Variants in EPHA8 observed in about 807,000 individuals in gnomAD.
The protein encoded by EPHA8 is EPH receptor A8.
Under a neutral mutation model 103.6 loss-of-function variants are expected in EPHA8, and 58 were observed. The ratio of observed to expected loss-of-function variants is 0.56; its 90% confidence interval spans 0.45 to 0.70. The LOEUF (loss-of-function observed/expected upper bound fraction) is 0.70. Ranked by LOEUF, EPHA8 falls within the 30% of genes least tolerant of loss-of-function variation. EPHA8 has a pLI of 0.00. For missense variants in EPHA8, 1,304 were observed against 1,395.2 expected (o/e 0.93, Z 1.04); for synonymous variants, 559 against 572.5 (o/e 0.98, Z 0.34).
At position 22,584,994 on chromosome 1, in the gene EPHA8, G is replaced by A. The variant is rs545217589; in HGVS notation, c.824-1486G>A. Among the ~76,000 whole-genome samples, 153 of 151,938 alleles carry A rather than the reference G, an allele frequency of 1.0e-3. No homozygotes were observed. In the East Asian group the frequency reaches 0.019, roughly 19 times the overall value. ...TTGCAGGTGGTGAGGCCAAGCAGGGGCCGCAGGAGCAGGGCGGGGAATGGT... is the reference window on the plus strand; with the variant it reads ...TTGCAGGTGGTGAGGCCAAGCAGGGACCGCAGGAGCAGGGCGGGGAATGGT... On this transcript the variant is annotated intron_variant, in intron 3 of 16. Transcript: ENST00000166244.
At position 22,597,190 on chromosome 1, in the gene EPHA8, C is replaced by T; in HGVS notation, c.1766-122C>T. On this transcript the variant is annotated intron_variant, in intron 9 of 16. Coordinates refer to ENST00000166244, the MANE Select transcript of EPHA8 (RefSeq NM_020526.5). This position sits in a 1 kb window ranked among gnomAD's most constrained non-coding sequence, Gnocchi z 4.6. ...CTTATGGGGTGCGTGTTGTTTGCTA[C>T]CACATCCAGAGACTCCCAGAGACAC... 1.3e-6 allele frequency: 1 copy of T among 774,776 alleles called. No individual in the cohort carries two copies. The highest frequency in any genetic ancestry group is 2.8e-5 in the East Asian group (1 of 35,660). The allele number at this position is 774,776 out of a possible 1,614,324, so 48.0% of individuals were successfully genotyped here.
Position 22,567,482 on chromosome 1 carries a change from C to A in EPHA8, c.95-1807C>A, listed in dbSNP as rs1225840508. Among the ~76,000 whole-genome samples, 1 of 152,108 alleles carries A rather than the reference C, an allele frequency of 6.6e-6. No individual in the cohort carries two copies. The highest frequency in any genetic ancestry group is 1.5e-5 in the Non-Finnish European group (1 of 68,008). On this transcript the variant is annotated intron_variant, in intron 1 of 16. Transcript: ENST00000166244. The surrounding 1 kb of genome is among the most constrained non-coding windows in gnomAD (Gnocchi z 4.2). ...CCGGCTTGGGGAGGGGGAGGTCCCT[C>A]TGCGGACATTCGCTGTGTCCCCTGA...
rs201818748 is a variant in EPHA8, at chr1:22,589,015, G to T, written c.1124G>T (p.Arg375Leu). The T allele has an allele frequency of 9.3e-6, 15 of 1,612,788 alleles. No homozygotes were observed. The East Asian group carries it at 1.6e-4, about 17-fold the overall frequency. The change falls in exon 5 of 17, where the codon CGC (arginine) becomes CTC (leucine). Residue 375 changes from arginine to leucine, a missense_variant. Arg to Leu is a moderately radical substitution (Grantham distance 102). Coordinates refer to ENST00000166244, the MANE Select transcript of EPHA8 (RefSeq NM_020526.5). The surrounding 1 kb of genome is among the most constrained non-coding windows in gnomAD (Gnocchi z 4.3). Reference sequence around the variant, plus strand: ...CGCCGCTGCCCCTGGGCACTGAGCCGCTGCGAGGCATGTGGGAGCGGCACC... The same window carrying T: ...CGCCGCTGCCCCTGGGCACTGAGCCTCTGCGAGGCATGTGGGAGCGGCACC... Reference protein sequence around the residue: ...VCRRCPWALSRCEACGSGTRF... With the variant: ...VCRRCPWALSLCEACGSGTRF...
In EPHA8 at chr1:22,596,067, G is replaced by T. The variant is rs209691; in HGVS notation, c.1698-39G>T. ...GTTGGGGTCAGGTCCCGGGCTAGGG[G>T]TGGCCTGGCCTCAGGCAGGGCGGTG... On this transcript the variant is annotated intron_variant, in intron 8 of 16. Coordinates refer to ENST00000166244, the MANE Select transcript of EPHA8 (RefSeq NM_020526.5). 6 of 1,605,852 alleles carry T rather than the reference G, an allele frequency of 3.7e-6. No individual in the cohort carries two copies. In the South Asian group the frequency reaches 4.4e-5, roughly 12 times the overall value.
intron 16 of EPHA8, 46 bp from the exon 17 acceptor site, chr1:22,601,581 C>T: frequency 1.3e-6 from 2 of 1,581,846 alleles, no homozygotes; most frequent in Non-Finnish European, 1.7e-6. Flanking sequence ...GTGCGCGGCT[C>T]CCAGCCTCCC....
chr1:22,574,994 A>G (rs1197599659), intron 2 of EPHA8, among the ~76,000 whole-genome samples: 2 of 152,138 alleles, frequency 1.3e-5, no homozygotes, highest in African/African-American at 4.8e-5. Flanking sequence ...TCTGTTGCTC[A>G]GGCTGGAGAA....
In EPHA8 at chr1:22,589,978, C is replaced by G. The variant is rs1255766492; in HGVS notation, c.1315+772C>G. ...AGGCCTGGAGAGCACCCAGGGCCAC[C>G]TGACATAGGAAGTGGCAGAGGCAGG... On this transcript the variant is annotated intron_variant, in intron 5 of 16. Transcript: ENST00000166244. The surrounding 1 kb of genome is among the most constrained non-coding windows in gnomAD (Gnocchi z 4.3). 6.6e-6 allele frequency among the ~76,000 whole-genome samples: 1 copy of G among 152,134 alleles called. No individual in the cohort carries two copies. Among genetic ancestry groups the G allele is most frequent in the Non-Finnish European group, 1.5e-5 (1 of 68,018 alleles).
At chr1:22,580,700 G>A (rs1641021669) in intron 3 of EPHA8, among the ~76,000 whole-genome samples, 1 of 152,204 alleles carries the variant, frequency 6.6e-6, no homozygotes, top group South Asian at 2.1e-4. Flanking sequence ...ATAGCGGGGC[G>A]CATCACATAC....
chr1:22,579,105 GTGTGCA>G (rs1640946954), intron 3 of EPHA8, among the ~76,000 whole-genome samples: 1 of 119,854 alleles, frequency 8.3e-6, no homozygotes, highest in Admixed American at 7.4e-5. Flanking sequence ...GCATGTGTAT[GTGTGCA>G]TGTGTACGTG....
Position 22,576,492 on chromosome 1 carries a change from C to T in EPHA8, c.435C>T (p.Ile145=), listed in dbSNP as rs142515766. Residue 145 remains isoleucine, a synonymous_variant, in exon 3 of 17, where the codon ATC becomes ATT. Coordinates refer to ENST00000166244, the MANE Select transcript of EPHA8 (RefSeq NM_020526.5). This position sits in a 1 kb window ranked among gnomAD's most constrained non-coding sequence, Gnocchi z 4.8. The stretch of plus-strand genomic sequence containing the variant: ...CACAAGAAAGCCAGTTCCTCAAAAT[C>T]GACACCATTGCGGCCGACGAGAGCT... The part of the protein sequence containing the change: ...ASTQESQFLK[I]DTIAADESFT... 85 of 1,614,146 alleles carry T rather than the reference C, an allele frequency of 5.3e-5. No individual in the cohort carries two copies. The African/African-American group carries it at 1.0e-3, about 19-fold the overall frequency.
chr1:22,590,013 C>T (rs1432833711), intron 5 of EPHA8, among the ~76,000 whole-genome samples: 1 of 152,202 alleles, frequency 6.6e-6, no homozygotes, highest in Admixed American at 6.5e-5. Context: ...GGCTCAAACC[C>T]AGGTCTGTGT....
At chr1:22,579,222 T>C (rs1472519037) in intron 3 of EPHA8, among the ~76,000 whole-genome samples, 3 of 151,856 alleles carry the variant, frequency 2.0e-5, no homozygotes, top group Non-Finnish European at 2.9e-5. Flanking sequence ...TGTGTGTATG[T>C]ATGCATGTGT....
chr1:22,572,713 G>A (rs1640578024), intron 2 of EPHA8, among the ~76,000 whole-genome samples: 1 of 152,254 alleles, frequency 6.6e-6, no homozygotes, highest in African/African-American at 2.4e-5. Context: ...GCCTCACCAA[G>A]CGCTGCACAG....
At chr1:22,599,722 G>GGAA (rs1454689173) in intron 13 of EPHA8, among the ~76,000 whole-genome samples, 1 of 3,934 alleles carries the variant, frequency 2.5e-4, no homozygotes, top group East Asian at 3.0e-3. Flanking sequence ...AAGGAAGGGA[G>GGAA]GGAGGGAAGG....
intron 7 of EPHA8, 144 bp downstream of exon 7, chr1:22,593,830 G>C: frequency 9.3e-7 from 1 of 1,071,622 alleles, no homozygotes; most frequent in South Asian, 1.8e-5. Flanking sequence ...AAGTGGGGTT[G>C]TCGGAGTTTT....
At chr1:22,568,141 G>A (rs925710105) in intron 1 of EPHA8, among the ~76,000 whole-genome samples, 3 of 152,166 alleles carry the variant, frequency 2.0e-5, no homozygotes, top group African/African-American at 7.2e-5. Context: ...GACCAGCCCT[G>A]GCTCCAGGCT....
At chr1:22,581,538 A>G (rs1641047057) in intron 3 of EPHA8, among the ~76,000 whole-genome samples, 2 of 152,106 alleles carry the variant, frequency 1.3e-5, no homozygotes, top group Admixed American at 6.5e-5. Context: ...GAGCCCAGAG[A>G]GGGGATATGT....
chr1:22,597,994 C>T lies in EPHA8; in HGVS notation c.2116+133C>T, dbSNP rs970532178. 1.5e-5 allele frequency: 21 copies of T among 1,437,366 alleles called. No homozygotes were observed. Among genetic ancestry groups the T allele is most frequent in the South Asian group, 2.4e-5 (2 of 83,634 alleles). The allele number at this position is 1,437,366 out of a possible 1,614,324, so 89.0% of individuals were successfully genotyped here. A position where few individuals can be genotyped will look rare whatever the true frequency, so the allele number is the denominator to read the frequency against. ...TCTTGGTTCAGGTCCCTGAATGACT[C>T]GGGGTGCCCAGAGCCTGGGACCCCA... On this transcript the variant is annotated intron_variant, in intron 11 of 16. Transcript: ENST00000166244. This position sits in a 1 kb window ranked among gnomAD's most constrained non-coding sequence, Gnocchi z 4.6.
rs747810736 is a variant in EPHA8, at chr1:22,593,330, G to A, written c.1320G>A (p.Pro440=). 3.3e-5 allele frequency: 51 copies of A among 1,566,952 alleles called. No individual in the cohort carries two copies. The highest frequency in any genetic ancestry group is 9.5e-5 in the Admixed American group (5 of 52,782). ...TGACGGGATTGGCCGCCCCAGCCCCGTCCCAGGTGGTGGTGATCCGTCAAG... is the reference window on the plus strand; with the variant it reads ...TGACGGGATTGGCCGCCCCAGCCCCATCCCAGGTGGTGGTGATCCGTCAAG... The part of the protein sequence containing the change: ...VVNITTNQAA[P]SQVVVIRQER... The change falls in exon 6 of 17, where the codon CCG becomes CCA. Residue 440 remains proline (P), a synonymous_variant. Coordinates refer to ENST00000166244, the MANE Select transcript of EPHA8 (RefSeq NM_020526.5).
Sources: allele counts gnomAD v4.1 joint callset (sites outside exome capture counted in the v4.1 genomes callset), GRCh38; gene constraint gnomAD v4.1.1; non-coding constraint Gnocchi (gnomAD v3.1); transcripts MANE v1.5; gene names NCBI Gene and HGNC (gene_info 2026-07-23, HGNC 2026-07-21).